The following ARHGAP22 variants were observed in gnomAD, a reference collection of about 807,000 sequenced individuals.
ARHGAP22 encodes rho GTPase-activating protein 22.
Under a neutral mutation model 59.1 loss-of-function variants are expected in ARHGAP22, and 48 were observed. The ratio of observed to expected loss-of-function variants is 0.81; its 90% CI spans 0.64 to 1.03. ARHGAP22 has a LOEUF of 1.03. Among genes scored for constraint, ARHGAP22 ranks in the 50% least tolerant of loss-of-function variants. ARHGAP22 has a pLI of 0.00. For synonymous variants in ARHGAP22, 445 were observed against 416.4 expected (o/e 1.07, Z -0.84); for missense variants, 1,015 against 958.7 (o/e 1.06, Z -0.78).
At chr10:48,609,640 C>G (rs948190406), upstream of ARHGAP22, among the ~76,000 whole-genome samples, 37 of 152,310 alleles carry the variant, frequency 2.4e-4, no homozygotes, top group Non-Finnish European at 5.9e-5. Context: ...TCCACTCTGC[C>G]TGCCCTTTTT....
At chr10:48,600,291 A>G (rs2060304374) in intron 1 of ARHGAP22, among the ~76,000 whole-genome samples, 1 of 152,206 alleles carries the variant, frequency 6.6e-6, no homozygotes, top group South Asian at 2.1e-4. Flanking sequence ...TTGCATTTAT[A>G]TAAAATTGAA....
chr10:48,461,564 CT>C (rs2047137276), intron 4 of ARHGAP22, among the ~76,000 whole-genome samples: 1 of 152,210 alleles, frequency 6.6e-6, no homozygotes, highest in Non-Finnish European at 1.5e-5. Flanking sequence ...GGCAGAGGAA[CT>C]TCTGAGAAAA....
intron 1 of ARHGAP22, among the ~76,000 whole-genome samples, chr10:48,599,380 C>G (rs1356120348): frequency 2.6e-5 from 4 of 152,230 alleles, no homozygotes; most frequent in Non-Finnish European, 5.9e-5. Context: ...GCTTGCTTGA[C>G]AGCATGTCCC....
chr10:48,483,626 T>G (rs750996044), intron 3 of ARHGAP22, among the ~76,000 whole-genome samples: 1 of 152,200 alleles, frequency 6.6e-6, no homozygotes, highest in East Asian at 1.9e-4. Context: ...GATATCTCAT[T>G]GTGGTTTTGA....
At chr10:48,561,214 T>C (rs1214699280) in intron 2 of ARHGAP22, among the ~76,000 whole-genome samples, 1 of 152,194 alleles carries the variant, frequency 6.6e-6, no homozygotes, top group African/African-American at 2.4e-5. Context: ...TCTCCATATA[T>C]GGATAATTGA....
intron 1 of ARHGAP22, among the ~76,000 whole-genome samples, chr10:48,633,797 A>G (rs1188784317): frequency 6.6e-6 from 1 of 151,942 alleles, no homozygotes; most frequent in Non-Finnish European, 1.5e-5. Flanking sequence ...GGGCAGGTTA[A>G]TAGAGACAGG....
chr10:48,640,893 C>T (rs1317142085), intron 1 of ARHGAP22, among the ~76,000 whole-genome samples: 1 of 152,046 alleles, frequency 6.6e-6, no homozygotes, highest in African/African-American at 2.4e-5. Flanking sequence ...ATAGTTATAA[C>T]AGTGTATTTT....
intron 5 of ARHGAP22, among the ~76,000 whole-genome samples, chr10:48,459,268 C>T (rs1448056511): frequency 1.3e-5 from 2 of 152,188 alleles, no homozygotes; most frequent in Admixed American, 6.5e-5. Context: ...GGAGGGGAGC[C>T]GAGCTGCTGT....
intron 3 of ARHGAP22, among the ~76,000 whole-genome samples, chr10:48,492,618 A>G (rs1198720690): frequency 6.6e-6 from 1 of 152,144 alleles, no homozygotes; most frequent in Admixed American, 6.5e-5. Context: ...TAGTGGCACA[A>G]TCCTGGCTCA....
chr10:48,471,084 G>T (rs1273010255), intron 4 of ARHGAP22, among the ~76,000 whole-genome samples: 2 of 152,224 alleles, frequency 1.3e-5, no homozygotes, highest in Non-Finnish European at 2.9e-5. Context: ...CTGCCCTAGG[G>T]CTTCAGGGAG....
intron 1 of ARHGAP22, among the ~76,000 whole-genome samples, chr10:48,649,372 C>T (rs1036367408): frequency 1.1e-4 from 16 of 152,140 alleles, no homozygotes; most frequent in African/African-American, 2.4e-4. Context: ...GAGAGGGTTT[C>T]GAAGGAGCCT....
intron 3 of ARHGAP22, among the ~76,000 whole-genome samples, chr10:48,517,080 G>T (rs1038968447): frequency 1.3e-5 from 2 of 152,176 alleles, no homozygotes; most frequent in African/African-American, 4.8e-5. Context: ...ACACGGGGAG[G>T]GTTGTTTCTG....
At chr10:48,507,775 TA>T (rs1185338502) in intron 3 of ARHGAP22, among the ~76,000 whole-genome samples, 1 of 151,834 alleles carries the variant, frequency 6.6e-6, no homozygotes, top group Non-Finnish European at 1.5e-5. Context: ...GGCCACAGGC[TA>T]AAGAAATCAC....
intron 1 of ARHGAP22, among the ~76,000 whole-genome samples, chr10:48,616,825 T>A (rs2061098493): frequency 6.6e-6 from 1 of 152,142 alleles, no homozygotes. Flanking sequence ...CTACAAGATC[T>A]ATTAAAGTGA....
At chr10:48,633,641 C>T (rs2061703819) in intron 1 of ARHGAP22, among the ~76,000 whole-genome samples, 2 of 152,222 alleles carry the variant, frequency 1.3e-5, no homozygotes, top group African/African-American at 4.8e-5. Context: ...GGTGGTAGAA[C>T]CTGGATCCAC....
chr10:48,525,466 G>A (rs1158220057), intron 3 of ARHGAP22, among the ~76,000 whole-genome samples: 2 of 152,192 alleles, frequency 1.3e-5, no homozygotes, highest in African/African-American at 4.8e-5. Flanking sequence ...GCAGCTACTT[G>A]GGAGGCTGAG....
intron 3 of ARHGAP22, among the ~76,000 whole-genome samples, chr10:48,539,037 A>T (rs960905096): frequency 2.6e-5 from 4 of 152,264 alleles, no homozygotes; most frequent in African/African-American, 9.6e-5. Context: ...AACTCAAAGG[A>T]TAATATTGGA....
At chr10:48,504,575 C>A (rs1311777158) in intron 3 of ARHGAP22, among the ~76,000 whole-genome samples, 1 of 152,150 alleles carries the variant, frequency 6.6e-6, no homozygotes, top group East Asian at 1.9e-4. Context: ...GGCTTTCTTG[C>A]ACAGATCTGG....
the ARHGAP22 span, chr10:48,435,422 G>A: frequency 6.4e-6 from 1 of 157,324 alleles, no homozygotes; most frequent in African/African-American, 2.4e-5. Context: ...GATTTTTATA[G>A]TTTTTTTTAA....
Sources: allele counts gnomAD v4.1 joint callset (sites outside exome capture counted in the v4.1 genomes callset), GRCh38; gene constraint gnomAD v4.1.1; transcripts MANE v1.5; gene names NCBI Gene and HGNC (gene_info 2026-07-23, HGNC 2026-07-21).